The following DHX35 variants were observed in gnomAD, a reference collection of about 807,000 sequenced individuals.
The protein encoded by DHX35 is DEAH-box helicase 35, also known as probable ATP-dependent RNA helicase DHX35.
In DHX35, 84 loss-of-function variants were observed where a neutral mutation model predicts 99.6. The observed-to-expected ratio is 0.84, with a 90% CI of 0.71 to 1.01. The LOEUF is 1.01. Ranked by LOEUF, DHX35 falls within the 50% of genes least tolerant of loss-of-function variation. The probability of loss-of-function intolerance (pLI) is 0.00; values close to 1 mark genes in which losing one functional copy is unlikely to be tolerated. For synonymous variants in DHX35, 331 were observed against 316.2 expected, an observed-to-expected ratio of 1.05 and a Z score of -0.50; for missense variants, 852 against 888.5, an observed-to-expected ratio of 0.96 and a Z score of 0.52.
intron 3 of DHX35, chr20:38,977,792 T>C: frequency 4.0e-6 from 2 of 501,600 alleles, no homozygotes; most frequent in Admixed American, 5.2e-5. Flanking sequence ...TGAAGGATTC[T>C]TGTCCTTTTG....
intron 4 of DHX35, among the ~76,000 whole-genome samples, chr20:38,984,789 C>T (rs1385418537): frequency 6.6e-6 from 1 of 152,006 alleles, no homozygotes; most frequent in African/African-American, 2.4e-5. Context: ...TTAATTCTAG[C>T]TTGAATGGAT....
chr20:38,998,367 C>T (rs1568734901), intron 8 of DHX35, among the ~76,000 whole-genome samples: 1 of 152,158 alleles, frequency 6.6e-6, no homozygotes, highest in Non-Finnish European at 1.5e-5. Context: ...CACCCTGGAC[C>T]AGTCTACATG....
intron 3 of DHX35, among the ~76,000 whole-genome samples, chr20:38,978,574 A>G (rs538298608): frequency 1.3e-5 from 2 of 152,146 alleles, no homozygotes; most frequent in Non-Finnish European, 1.5e-5. Flanking sequence ...TGAGCACCTT[A>G]TATATTCTAG....
intron 13 of DHX35, 112 bp downstream of exon 13, chr20:39,010,516 T>A: frequency 1.4e-6 from 2 of 1,428,242 alleles, no homozygotes; most frequent in Non-Finnish European, 1.9e-6. Context: ...ACTCAGGTCA[T>A]GTGTTGTGTG....
intron 6 of DHX35, 106 bp from the exon 7 acceptor site, chr20:38,992,250 A>C: frequency 2.3e-6 from 2 of 887,688 alleles, no homozygotes; most frequent in Non-Finnish European, 3.6e-6. Flanking sequence ...CTTTTGATGC[A>C]AAGTGATTGT....
At chr20:38,987,333 C>T (rs538499315) in intron 4 of DHX35, among the ~76,000 whole-genome samples, 37 of 152,206 alleles carry the variant, frequency 2.4e-4, no homozygotes, top group Non-Finnish European at 3.7e-4. Flanking sequence ...TCCACCTCCC[C>T]GGGTTCAAGT....
intron 1 of DHX35, among the ~76,000 whole-genome samples, chr20:38,967,512 A>G (rs2085927671): frequency 6.6e-6 from 1 of 152,220 alleles, no homozygotes; most frequent in African/African-American, 2.4e-5. Context: ...TCATTTACTT[A>G]TTACTCCTAG....
chr20:38,971,199 A>G (rs2085990520), intron 2 of DHX35, among the ~76,000 whole-genome samples: 1 of 152,136 alleles, frequency 6.6e-6, no homozygotes, highest in Non-Finnish European at 1.5e-5. Context: ...CTAAAAATAT[A>G]AAAAATTAGC....
chr20:39,025,759 G>C (rs1415788062), intron 18 of DHX35, among the ~76,000 whole-genome samples: 1 of 152,170 alleles, frequency 6.6e-6, no homozygotes, highest in African/African-American at 2.4e-5. Flanking sequence ...TAAAGCAAGT[G>C]CTGGATATTT....
At chr20:39,027,478 A>T (rs1424384908) in intron 18 of DHX35, among the ~76,000 whole-genome samples, 2 of 152,234 alleles carry the variant, frequency 1.3e-5, no homozygotes, top group African/African-American at 4.8e-5. Context: ...AAGAAGAAAT[A>T]TGCCGATAGT....
chr20:39,035,147 C>T (rs192392261), intron 21 of DHX35, among the ~76,000 whole-genome samples: 293 of 152,352 alleles, frequency 1.9e-3, no homozygotes, highest in African/African-American at 6.9e-3. Context: ...TCTCAGCTCA[C>T]TGCAACCTCT....
chr20:39,037,026 C>G (rs1229581449), intron 21 of DHX35, among the ~76,000 whole-genome samples: 2 of 152,198 alleles, frequency 1.3e-5, no homozygotes, highest in Non-Finnish European at 2.9e-5. Context: ...TCCATCACCA[C>G]TGTTTTTCGG....
chr20:38,971,087 T>TA (rs2085988591), intron 2 of DHX35, among the ~76,000 whole-genome samples: 1 of 152,192 alleles, frequency 6.6e-6, no homozygotes, highest in African/African-American at 2.4e-5. Context: ...TGTGGTGGCT[T>TA]ACGGCTGTAA....
intron 21 of DHX35, 143 bp downstream of exon 21, chr20:39,034,460 A>G: frequency 1.6e-6 from 1 of 639,676 alleles, no homozygotes; most frequent in East Asian, 2.7e-5. Context: ...CCATATCCCC[A>G]AAACATTCTG....
chr20:39,001,773 C>G lies in DHX35; in HGVS notation c.686C>G (p.Ala229Gly). The part of the protein sequence containing the change: ...FFNQNETSDP[A>G]RDTCVILTVE... ...AATCAAAATGAAACCAGTGATCCAG[C>G]AAGGGATACATGTGTGATCCTTACA... The change falls in exon 9 of 22, where the codon GCA (alanine) becomes GGA (glycine). Residue 229 changes from alanine to glycine, a missense_variant. By Grantham distance (60) the Ala-to-Gly change is moderately conservative (BLOSUM62 0). Transcript: ENST00000252011. 1 of 1,612,738 alleles carries G rather than the reference C, an allele frequency of 6.2e-7. No individual in the cohort carries two copies. Among genetic ancestry groups the G allele is most frequent in the Non-Finnish European group, 8.5e-7 (1 of 1,179,630 alleles).
intron 11 of DHX35, among the ~76,000 whole-genome samples, chr20:39,005,459 G>C (rs1327941156): frequency 6.6e-6 from 1 of 152,088 alleles, no homozygotes. Flanking sequence ...TTTCACAGAG[G>C]CTCTGCCTGG....
chr20:38,988,754 A>C, intron 4 of DHX35, 59 bp from the exon 5 acceptor site: 1 of 1,608,634 alleles, frequency 6.2e-7, no homozygotes, highest in Non-Finnish European at 8.5e-7. Flanking sequence ...TTTCCATAGT[A>C]TGTGCGCTGT....
intron 14 of DHX35, among the ~76,000 whole-genome samples, chr20:39,015,521 A>G (rs1252485205): frequency 1.3e-5 from 2 of 152,214 alleles, no homozygotes; most frequent in East Asian, 1.9e-4. Context: ...TTATCTTGAC[A>G]TAGAGAAAAT....
chr20:39,020,022 A>G (rs943344868), intron 15 of DHX35, among the ~76,000 whole-genome samples: 3 of 152,212 alleles, frequency 2.0e-5, no homozygotes, highest in African/African-American at 4.8e-5. Context: ...TTCACTTGGC[A>G]TAATGTCCTC....
Sources: gnomAD v4.1 joint callset for allele counts (sites outside exome capture counted in the v4.1 genomes callset) on GRCh38, gnomAD v4.1.1 for gene constraint, MANE v1.5 for transcripts, NCBI Gene and HGNC (gene_info 2026-07-23, HGNC 2026-07-21) for gene names.